Variants in IKZF3 observed in about 807,000 individuals in gnomAD.
IKZF3 encodes the protein IKAROS family zinc finger 3.
A neutral mutation model predicts 49.0 loss-of-function variants in IKZF3; 10 were observed. The observed-to-expected ratio is 0.20, with a 90% confidence interval of 0.13 to 0.35. The LOEUF is 0.35. IKZF3 is among the 10% of genes least tolerant of loss of function. The probability of loss-of-function intolerance (pLI) is 1.00; values close to 1 mark genes in which losing one functional copy is unlikely to be tolerated. For synonymous variants in IKZF3, 209 were observed against 228.2 expected, an observed-to-expected ratio of 0.92 and a Z score of 0.76; for missense variants, 498 against 664.8, an observed-to-expected ratio of 0.75 and a Z score of 2.76.
At chr17:39,775,872 C>T (rs1163882327) in intron 7 of IKZF3, among the ~76,000 whole-genome samples, 3 of 150,112 alleles carry the variant, frequency 2.0e-5, no homozygotes, top group Non-Finnish European at 3.0e-5. Flanking sequence ...TGCGGTGAGC[C>T]GAGATCGCGC....
chr17:39,780,076 C>A (rs1019532611), intron 6 of IKZF3, among the ~76,000 whole-genome samples: 17 of 151,932 alleles, frequency 1.1e-4, no homozygotes, highest in African/African-American at 4.1e-4. Context: ...TGTTGGCATG[C>A]GCCTGTAGTC....
intron 1 of IKZF3, among the ~76,000 whole-genome samples, chr17:39,850,163 A>ATATGTATATATACTATATAGCATATTATG (rs2062765083): frequency 6.4e-5 from 9 of 141,458 alleles, no homozygotes; most frequent in Non-Finnish European, 1.4e-4. Flanking sequence ...TATATATACT[A>ATATGTATATATACTATATAGCATATTATG]TATGTATATA....
chr17:39,842,052 A>AAAAAAAAAG (rs2062486609), intron 1 of IKZF3, among the ~76,000 whole-genome samples: 1 of 149,018 alleles, frequency 6.7e-6, no homozygotes. Context: ...AAAAAAAAAA[A>AAAAAAAAAG]AAAAAAACCA....
chr17:39,813,621 G>C (rs896401486), intron 3 of IKZF3, among the ~76,000 whole-genome samples: 1 of 151,886 alleles, frequency 6.6e-6, no homozygotes, highest in Non-Finnish European at 1.5e-5. Context: ...TCCAGCCTGG[G>C]TGACAGCGTG....
In IKZF3 at chr17:39,824,113, G is replaced by A. The variant is rs111914856; in HGVS notation, c.163+5274C>T. On this transcript the variant is annotated intron_variant, in intron 3 of 7. Coordinates refer to ENST00000346872, the MANE Select transcript of IKZF3 (RefSeq NM_012481.5). ...CTGTACCCTGCAAAGCCACAGGGGC[G>A]GAGCTGCCCAAAGCCATGGGAGCCC... is the stretch of plus-strand genomic sequence containing the variant. Among the ~76,000 whole-genome samples, 988 of 152,340 alleles carry A rather than the reference G, an allele frequency of 6.5e-3. 10 individuals carry two copies. Among genetic ancestry groups the A allele is most frequent in the African/African-American group, 0.022 (911 of 41,588 alleles).
At chr17:39,840,191 G>C (rs1568047379) in intron 1 of IKZF3, among the ~76,000 whole-genome samples, 1 of 152,302 alleles carries the variant, frequency 6.6e-6, no homozygotes, top group East Asian at 1.9e-4. Flanking sequence ...GCTATTTAGA[G>C]TGTAACTCTA....
intron 1 of IKZF3, among the ~76,000 whole-genome samples, chr17:39,861,459 A>G (rs2063211986): frequency 6.6e-6 from 1 of 152,222 alleles, no homozygotes; most frequent in African/African-American, 2.4e-5. Flanking sequence ...TGGAAGCATG[A>G]AATAGCATAC....
chr17:39,782,776 T>C (rs935134302), intron 6 of IKZF3, among the ~76,000 whole-genome samples: 1 of 152,234 alleles, frequency 6.6e-6, no homozygotes, highest in South Asian at 2.1e-4. Flanking sequence ...CAAGGAACAA[T>C]TTGCACATTC....
chr17:39,814,651 G>C (rs551731779), intron 3 of IKZF3, among the ~76,000 whole-genome samples: 1 of 152,238 alleles, frequency 6.6e-6, no homozygotes, highest in African/African-American at 2.4e-5. Flanking sequence ...TGAAGCCCAC[G>C]TGACAATGGA....
At chr17:39,826,671 C>A (rs896248629) in intron 3 of IKZF3, among the ~76,000 whole-genome samples, 1 of 152,108 alleles carries the variant, frequency 6.6e-6, no homozygotes, top group African/African-American at 2.4e-5. Context: ...CGGTAAAAGA[C>A]CCCCCTTCCA....
intron 7 of IKZF3, among the ~76,000 whole-genome samples, chr17:39,771,330 T>C (rs777631845): frequency 6.6e-6 from 1 of 152,240 alleles, no homozygotes; most frequent in Non-Finnish European, 1.5e-5. Flanking sequence ...TATAAAGTGC[T>C]TAGCAGTGCC....
chr17:39,777,567 G>C (rs541301335), intron 7 of IKZF3, 84 bp downstream of exon 7: 1 of 869,840 alleles, frequency 1.1e-6, no homozygotes, highest in Admixed American at 2.2e-5. Flanking sequence ...GTTAAGCTAG[G>C]AAAGGCCTTG....
intron 7 of IKZF3, among the ~76,000 whole-genome samples, chr17:39,773,955 T>C (rs1269759296): frequency 6.6e-6 from 1 of 152,184 alleles, no homozygotes; most frequent in Non-Finnish European, 1.5e-5. Context: ...CATTTTTTTT[T>C]TTCCCATTTG....
intron 7 of IKZF3, among the ~76,000 whole-genome samples, chr17:39,772,809 T>G (rs2060477751): frequency 6.6e-6 from 1 of 151,846 alleles, no homozygotes; most frequent in Middle Eastern, 3.4e-3. Context: ...TCTTCAAGGG[T>G]TTTTTTCCTC....
intron 3 of IKZF3, among the ~76,000 whole-genome samples, chr17:39,812,954 T>C (rs2061595136): frequency 6.6e-6 from 1 of 151,806 alleles, no homozygotes; most frequent in Admixed American, 6.6e-5. Context: ...AAAATAAAAT[T>C]AGCCGGGTGT....
intron 3 of IKZF3, among the ~76,000 whole-genome samples, chr17:39,806,906 G>C (rs1376304282): frequency 6.6e-6 from 1 of 152,196 alleles, no homozygotes; most frequent in African/African-American, 2.4e-5. Context: ...GTAAGCTGGA[G>C]AGCAAGGAGC....
intron 3 of IKZF3, among the ~76,000 whole-genome samples, chr17:39,821,425 G>A (rs1371955101): frequency 6.6e-6 from 1 of 152,102 alleles, no homozygotes; most frequent in East Asian, 1.9e-4. Context: ...TGATTCCTGA[G>A]TGGCCATATA....
intron 3 of IKZF3, among the ~76,000 whole-genome samples, chr17:39,822,708 G>A (rs879628887): frequency 6.6e-6 from 1 of 151,112 alleles, no homozygotes; most frequent in Admixed American, 6.6e-5. Context: ...TCAGCCTCCT[G>A]AGTAGCTGGA....
intron 1 of IKZF3, among the ~76,000 whole-genome samples, chr17:39,855,410 A>T (rs1316453349): frequency 6.6e-6 from 1 of 152,216 alleles, no homozygotes; most frequent in Non-Finnish European, 1.5e-5. Flanking sequence ...CAACTTGTTC[A>T]GTCATTATTT....
Sources: gnomAD v4.1 joint callset for allele counts (sites outside exome capture counted in the v4.1 genomes callset) on GRCh38, gnomAD v4.1.1 for gene constraint, MANE v1.5 for transcripts, NCBI Gene and HGNC (gene_info 2026-07-23, HGNC 2026-07-21) for gene names.